FAM227B: variants seen among roughly 807,000 people sequenced by gnomAD.
The protein encoded by FAM227B is protein FAM227B.
Under a neutral mutation model 73.8 loss-of-function variants are expected in FAM227B, and 88 were observed. That is an observed-to-expected ratio of 1.19 (90% CI 1.00 to 1.42). The LOEUF (loss-of-function observed/expected upper bound fraction) is 1.42, where lower values mean the gene tolerates loss of function less well. Ranked by LOEUF, FAM227B falls within the 40% of genes most tolerant of loss-of-function variation. The pLI is 0.00. For synonymous variants in FAM227B, 210 were observed against 190.5 expected, an observed-to-expected ratio of 1.10 and a Z score of -0.84; for missense variants, 632 against 590.9, an observed-to-expected ratio of 1.07 and a Z score of -0.72.
At chr15:49,614,471 G>A (rs991817938) in intron 2 of FAM227B, among the ~76,000 whole-genome samples, 2 of 152,180 alleles carry the variant, frequency 1.3e-5, no homozygotes, top group Admixed American at 6.5e-5. Flanking sequence ...CCAAATGCAT[G>A]TACTTCTCAG....
At chr15:49,392,260 T>C (rs1670130762) in intron 11 of FAM227B, among the ~76,000 whole-genome samples, 2 of 152,016 alleles carry the variant, frequency 1.3e-5, no homozygotes, top group Non-Finnish European at 2.9e-5. Flanking sequence ...CTAACAGAAT[T>C]TATGGAGGGC....
chr15:49,402,629 A>T (rs1390188285), intron 11 of FAM227B, among the ~76,000 whole-genome samples: 2 of 152,096 alleles, frequency 1.3e-5, no homozygotes, highest in African/African-American at 4.8e-5. Context: ...TTGCACATTG[A>T]TTTTGTATCC....
intron 9 of FAM227B, among the ~76,000 whole-genome samples, chr15:49,566,342 T>C (rs550891860): frequency 1.5e-4 from 23 of 152,330 alleles, no homozygotes; most frequent in Middle Eastern, 3.4e-3. Context: ...AATTAAAATG[T>C]TGAACAAGGT....
chr15:49,498,910 T>A (rs1450590666), intron 11 of FAM227B, among the ~76,000 whole-genome samples: 1 of 151,712 alleles, frequency 6.6e-6, no homozygotes, highest in Non-Finnish European at 1.5e-5. Context: ...CTCACGCCTG[T>A]AATCCCAGCA....
chr15:49,367,470 G>A lies in FAM227B; in HGVS notation c.1249C>T (p.Leu417Phe), dbSNP rs763001854. The change falls in exon 13 of 16, where the codon CTC (leucine) becomes TTC (phenylalanine). Residue 417 changes from leucine to phenylalanine, a missense_variant. Coordinates refer to ENST00000299338, the MANE Select transcript of FAM227B (RefSeq NM_152647.3). ...SKAPKKTKIK[L>F]TKIFQEPLPA... ...TATGGTTCCTGGAATATCTTAGTGA[G>A]TTTAATCTTGGTTTTCTTAGGTGCT... 6 of 1,593,922 alleles carry A rather than the reference G, an allele frequency of 3.8e-6. No homozygotes were observed. Among genetic ancestry groups the A allele is most frequent in the African/African-American group, 1.4e-5 (1 of 73,556 alleles).
At chr15:49,590,448 C>A (rs2076455660) in intron 3 of FAM227B, among the ~76,000 whole-genome samples, 1 of 152,072 alleles carries the variant, frequency 6.6e-6, no homozygotes, top group Non-Finnish European at 1.5e-5. Context: ...TCTCTTTGGT[C>A]CCTTTCAGTC....
intron 2 of FAM227B, chr15:49,614,803 C>A (rs193030009): frequency 5.6e-5 from 16 of 287,846 alleles, no homozygotes; most frequent in Admixed American, 4.8e-4. Context: ...CTCCTTCTTA[C>A]CACCACTCCC....
chr15:49,374,411 TAGAAA>T (rs1398017219), intron 11 of FAM227B, among the ~76,000 whole-genome samples: 2 of 151,978 alleles, frequency 1.3e-5, no homozygotes, highest in African/African-American at 2.4e-5. Context: ...GAGAGAGGGG[TAGAAA>T]AGAAATGCCA....
At chr15:49,551,296 T>G (rs2072977388) in intron 9 of FAM227B, among the ~76,000 whole-genome samples, 1 of 151,272 alleles carries the variant, frequency 6.6e-6, no homozygotes, top group South Asian at 2.1e-4. Flanking sequence ...AGAGGACGCA[T>G]ATGTATTTTT....
chr15:49,569,380 T>C (rs890140281), intron 8 of FAM227B, among the ~76,000 whole-genome samples: 14 of 152,028 alleles, frequency 9.2e-5, no homozygotes, highest in South Asian at 2.1e-4. Context: ...TGCTGCAATA[T>C]GTATTATTTC....
intron 13 of FAM227B, among the ~76,000 whole-genome samples, chr15:49,363,530 C>T (rs1311234311): frequency 1.3e-5 from 2 of 152,072 alleles, no homozygotes; most frequent in African/African-American, 2.4e-5. Flanking sequence ...TGGGCAGAGA[C>T]GATTGGTTTT....
intron 13 of FAM227B, 152 bp from the exon 14 acceptor site, chr15:49,335,648 ACACT>A: frequency 1.8e-6 from 1 of 540,688 alleles, no homozygotes. Context: ...GTCTGGAGTT[ACACT>A]CAGAGGACTG....
At chr15:49,430,551 TAAAGA>T (rs1450642671) in intron 11 of FAM227B, among the ~76,000 whole-genome samples, 3 of 151,780 alleles carry the variant, frequency 2.0e-5, no homozygotes, top group Non-Finnish European at 1.5e-5. Context: ...GGATAATTTA[TAAAGA>T]AAAGAAATTT....
intron 13 of FAM227B, among the ~76,000 whole-genome samples, chr15:49,356,816 T>G (rs1264228940): frequency 2.5e-5 from 2 of 79,362 alleles, no homozygotes; most frequent in Non-Finnish European, 4.8e-5. Flanking sequence ...TATTCCAAAA[T>G]TGACCACATA....
intron 13 of FAM227B, among the ~76,000 whole-genome samples, chr15:49,357,252 A>G (rs1345774959): frequency 8.6e-5 from 13 of 150,704 alleles, no homozygotes; most frequent in Non-Finnish European, 1.9e-4. Flanking sequence ...AACTGAAGGA[A>G]ATAGAGACAC....
chr15:49,466,345 T>C (rs957769046), intron 11 of FAM227B, among the ~76,000 whole-genome samples: 1 of 152,118 alleles, frequency 6.6e-6, no homozygotes, highest in African/African-American at 2.4e-5. Flanking sequence ...TTCCAGGAAC[T>C]GGTAGGCAGA....
At chr15:49,430,068 T>G (rs2050459655) in intron 11 of FAM227B, among the ~76,000 whole-genome samples, 1 of 151,896 alleles carries the variant, frequency 6.6e-6, no homozygotes, top group African/African-American at 2.4e-5. Context: ...AATCTCTGAA[T>G]TATGCACCAA....
chr15:49,453,713 C>T (rs952389165), intron 11 of FAM227B, among the ~76,000 whole-genome samples: 1 of 152,244 alleles, frequency 6.6e-6, no homozygotes, highest in Non-Finnish European at 1.5e-5. Flanking sequence ...TCTGAAATTT[C>T]ATGTCTCTTC....
At chr15:49,580,576 A>G (rs1391132176) in intron 5 of FAM227B, among the ~76,000 whole-genome samples, 2 of 152,224 alleles carry the variant, frequency 1.3e-5, no homozygotes, top group East Asian at 3.8e-4. Context: ...TCAAAAAGCC[A>G]AAGTGTCTTT....
Sources: gnomAD v4.1 joint callset for allele counts (sites outside exome capture counted in the v4.1 genomes callset) on GRCh38, gnomAD v4.1.1 for gene constraint, MANE v1.5 for transcripts, NCBI Gene and HGNC (gene_info 2026-07-23, HGNC 2026-07-21) for gene names.